PPM1L: variants seen among roughly 807,000 people sequenced by gnomAD.
The protein encoded by PPM1L is protein phosphatase 1L.
A neutral mutation model predicts 31.4 loss-of-function variants in PPM1L; 13 were observed. The ratio of observed to expected loss-of-function variants is 0.41; its 90% confidence interval spans 0.27 to 0.66. PPM1L has a LOEUF of 0.66. PPM1L is among the 30% of genes least tolerant of loss of function. PPM1L has a pLI of 0.29. For synonymous variants in PPM1L, 184 were observed against 175.4 expected (o/e 1.05, Z -0.39); for missense variants, 326 against 453.7 (o/e 0.72, Z 2.56).
chr3:160,904,843 T>A (rs1713688649), intron 1 of PPM1L, among the ~76,000 whole-genome samples: 1 of 152,064 alleles, frequency 6.6e-6, no homozygotes, highest in African/African-American at 2.4e-5. Context: ...ACGATATGAG[T>A]GGCTCCCTAT....
At chr3:161,018,207 A>G (rs539792789) in intron 2 of PPM1L, among the ~76,000 whole-genome samples, 1 of 152,336 alleles carries the variant, frequency 6.6e-6, no homozygotes, top group South Asian at 2.1e-4. Context: ...GGCCATCTTT[A>G]TAGAATTCTC....
intron 1 of PPM1L, among the ~76,000 whole-genome samples, chr3:160,946,108 C>CA (rs1452015833): frequency 6.6e-5 from 10 of 151,970 alleles, no homozygotes; most frequent in African/African-American, 2.4e-4. Flanking sequence ...GTTTAAGGGT[C>CA]AACTGTAAAA....
intron 1 of PPM1L, among the ~76,000 whole-genome samples, chr3:160,917,080 G>A (rs949597084): frequency 1.3e-5 from 2 of 152,108 alleles, no homozygotes; most frequent in African/African-American, 2.4e-5. Context: ...GAGGGAATTA[G>A]GATTCTTGAA....
intron 1 of PPM1L, among the ~76,000 whole-genome samples, chr3:160,896,583 AC>A (rs1713343132): frequency 6.6e-6 from 1 of 152,228 alleles, no homozygotes; most frequent in Admixed American, 6.5e-5. Context: ...GAGTCTTCCT[AC>A]CCCTTTTAAA....
intron 2 of PPM1L, among the ~76,000 whole-genome samples, chr3:160,970,787 ATTTTT>A (rs71628437): frequency 1.0e-5 from 1 of 97,198 alleles, no homozygotes; most frequent in African/African-American, 4.5e-5. Context: ...TTCAGTTATA[ATTTTT>A]TTTTTTTTTT....
At chr3:161,028,292 A>G (rs927696867) in intron 2 of PPM1L, among the ~76,000 whole-genome samples, 2 of 152,140 alleles carry the variant, frequency 1.3e-5, no homozygotes, top group Non-Finnish European at 1.5e-5. Flanking sequence ...TTTTTTTAAC[A>G]TAAGGAGTTT....
At chr3:160,772,111 G>A (rs188786074) in intron 1 of PPM1L, among the ~76,000 whole-genome samples, 32 of 152,248 alleles carry the variant, frequency 2.1e-4, no homozygotes, top group Admixed American at 7.8e-4. Context: ...TTAACATGTA[G>A]GGGGACCTGA....
intron 1 of PPM1L, among the ~76,000 whole-genome samples, chr3:160,879,288 A>G (rs1047727969): frequency 1.3e-5 from 2 of 152,094 alleles, no homozygotes; most frequent in African/African-American, 2.4e-5. Flanking sequence ...ATTTGTTTTC[A>G]ATTGGATTAC....
chr3:160,973,426 C>T (rs931280541), intron 2 of PPM1L, among the ~76,000 whole-genome samples: 1 of 152,188 alleles, frequency 6.6e-6, no homozygotes, highest in Non-Finnish European at 1.5e-5. Context: ...CTCTTCCTTT[C>T]TGTACTATCG....
intron 1 of PPM1L, among the ~76,000 whole-genome samples, chr3:160,850,847 C>A (rs999195660): frequency 2.7e-5 from 4 of 150,692 alleles, no homozygotes; most frequent in African/African-American, 7.3e-5. Context: ...AATCTTATTT[C>A]ACTTTAAGGA....
chr3:160,861,511 G>A (rs1711888351), intron 1 of PPM1L, among the ~76,000 whole-genome samples: 3 of 152,146 alleles, frequency 2.0e-5, no homozygotes, highest in Admixed American at 6.6e-5. Context: ...ATGCCAAACA[G>A]TACTGTGTTC....
intron 1 of PPM1L, among the ~76,000 whole-genome samples, chr3:160,825,502 G>C (rs890758114): frequency 6.6e-6 from 1 of 152,098 alleles, no homozygotes; most frequent in African/African-American, 2.4e-5. Flanking sequence ...ATGCATTGCT[G>C]CATCCTCTGA....
intron 1 of PPM1L, among the ~76,000 whole-genome samples, chr3:160,793,982 A>T (rs1712173338): frequency 6.8e-6 from 1 of 147,258 alleles, no homozygotes; most frequent in Non-Finnish European, 1.5e-5. Flanking sequence ...TCTCTGTTAG[A>T]TGTTTATTTT....
chr3:160,867,397 G>T (rs1236541507), intron 1 of PPM1L, among the ~76,000 whole-genome samples: 1 of 142,148 alleles, frequency 7.0e-6, no homozygotes, highest in Non-Finnish European at 1.5e-5. Flanking sequence ...CCTTTTTTCA[G>T]ATTTTAAGGA....
intron 1 of PPM1L, among the ~76,000 whole-genome samples, chr3:160,948,105 A>G (rs755618562): frequency 4.6e-5 from 7 of 152,174 alleles, no homozygotes; most frequent in Non-Finnish European, 1.5e-5. Context: ...AATATTAATT[A>G]AAAGGATATA....
At chr3:160,999,182 C>A (rs1358176058) in intron 2 of PPM1L, among the ~76,000 whole-genome samples, 1 of 152,112 alleles carries the variant, frequency 6.6e-6, no homozygotes, top group Non-Finnish European at 1.5e-5. Context: ...TCCTCACAAC[C>A]ACCCTATAAA....
At position 161,076,488 on chromosome 3, in the gene PPM1L, T is replaced by G. The variant is rs1720102447; in HGVS notation, c.*7331T>G. On this transcript the variant is annotated 3_prime_UTR_variant, in exon 4 of 4. Coordinates refer to ENST00000498165, the MANE Select transcript of PPM1L (RefSeq NM_139245.4). ...GACCATGGAGAAAACCCATAACTTT[T>G]GCTTCTATTATAGAAAGCAGTGTTT... The G allele has an allele frequency of 1.3e-5, 2 of 152,254 alleles. No homozygotes were observed. The allele number at this position is 152,254 out of a possible 1,614,324, so 9.4% of individuals were successfully genotyped here.
rs1050591563 is a variant in PPM1L, at chr3:161,075,943, G to A, written c.*6786G>A. Reference sequence around the variant, plus strand: ...CCATTCACGTTCCAAATCGTGGACAGTAAAACTGAAGTCAGATAAACACAG... The same window carrying A: ...CCATTCACGTTCCAAATCGTGGACAATAAAACTGAAGTCAGATAAACACAG... On this transcript the variant is annotated 3_prime_UTR_variant, in exon 4 of 4. Transcript: ENST00000498165. 1 of 152,140 alleles carries A rather than the reference G, an allele frequency of 6.6e-6. No homozygotes were observed. The highest frequency in any genetic ancestry group is 1.5e-5 in the Non-Finnish European group (1 of 68,020). 9.4% of individuals were successfully genotyped at this position (152,140 alleles called of 1,614,324 possible). A position where few individuals can be genotyped will look rare whatever the true frequency, so the allele number is the denominator to read the frequency against.
intron 1 of PPM1L, among the ~76,000 whole-genome samples, chr3:160,874,147 C>T (rs1489796831): frequency 6.6e-6 from 1 of 152,144 alleles, no homozygotes; most frequent in African/African-American, 2.4e-5. Context: ...TCTTTAGAAG[C>T]TAGGCTGCAG....
Sources: allele counts gnomAD v4.1 joint callset (sites outside exome capture counted in the v4.1 genomes callset), GRCh38; gene constraint gnomAD v4.1.1; transcripts MANE v1.5; gene names NCBI Gene and HGNC (gene_info 2026-07-23, HGNC 2026-07-21).